The following CD109 variants were observed in gnomAD, a reference collection of about 807,000 sequenced individuals.
CD109 encodes the protein CD109 molecule, also known as CD109 antigen.
CD109 carries 149 observed loss-of-function variants against 165.8 expected under a neutral mutation model. The observed-to-expected ratio is 0.90, with a 90% CI of 0.79 to 1.03. The LOEUF is 1.03. CD109 is among the 50% of genes least tolerant of loss of function. The pLI, the probability that CD109 is intolerant of heterozygous loss-of-function variation, is 0.00. For synonymous variants in CD109, 585 were observed against 592.1 expected (o/e 0.99, Z 0.18); for missense variants, 1,712 against 1,677.8 (o/e 1.02, Z -0.36).
At chr6:73,741,909 G>A (rs913964993) in intron 5 of CD109, among the ~76,000 whole-genome samples, 6 of 152,164 alleles carry the variant, frequency 3.9e-5, no homozygotes, top group African/African-American at 9.7e-5. Context: ...GACCTCAGGT[G>A]ATTCACTTGC....
chr6:73,771,688 A>C, intron 15 of CD109, 107 bp downstream of exon 15: 1 of 668,810 alleles, frequency 1.5e-6, no homozygotes, highest in Non-Finnish European at 2.3e-6. Flanking sequence ...GTTCCTTTGC[A>C]TGTGTAAGTC....
At chr6:73,756,731 C>T (rs1295817720) in intron 6 of CD109, 49 bp downstream of exon 6, 1 of 1,303,350 alleles carries the variant, frequency 7.7e-7, no homozygotes, top group African/African-American at 1.5e-5. Flanking sequence ...TTGTTACTTT[C>T]AGCAGAGATT....
intron 2 of CD109, among the ~76,000 whole-genome samples, chr6:73,712,059 A>G (rs1449724257): frequency 6.6e-6 from 1 of 152,182 alleles, no homozygotes; most frequent in Non-Finnish European, 1.5e-5. Flanking sequence ...TTTATACAAA[A>G]ATTAGCCGGG....
chr6:73,698,900 C>T (rs1336390242), intron 2 of CD109, among the ~76,000 whole-genome samples: 1 of 152,122 alleles, frequency 6.6e-6, no homozygotes, highest in Non-Finnish European at 1.5e-5. Flanking sequence ...GTTTCCTTGT[C>T]TATAAAATGG....
chr6:73,714,485 C>G (rs187394320), intron 2 of CD109, among the ~76,000 whole-genome samples: 3 of 152,204 alleles, frequency 2.0e-5, no homozygotes, highest in Non-Finnish European at 4.4e-5. Flanking sequence ...TGCAGTTTCC[C>G]CCTTTCCCTT....
chr6:73,683,365 A>G, the CD109 span, among the ~76,000 whole-genome samples: 4 of 152,144 alleles, frequency 2.6e-5, no homozygotes, highest in African/African-American at 9.7e-5. Context: ...GCCAAAACAT[A>G]ACGAGAATCA....
Position 73,714,825 on chromosome 6 carries a change from G to C in CD109, c.248-8426G>C, listed in dbSNP as rs183170587. On this transcript the variant is annotated intron_variant, in intron 2 of 32. Transcript: ENST00000287097. ...GGTTTTGGTGAGTGATAAACTTAGAGTTGAGGAGAGAAAAGAGTTCAAGAT... is the reference window on the plus strand; with the variant it reads ...GGTTTTGGTGAGTGATAAACTTAGACTTGAGGAGAGAAAAGAGTTCAAGAT... Among the ~76,000 whole-genome samples the C allele has an allele frequency of 3.0e-4, 45 of 152,358 alleles. No homozygotes were observed. The East Asian group carries it at 6.7e-3, about 23-fold the overall frequency.
chr6:73,785,278 A>C, intron 19 of CD109, 86 bp from the exon 20 acceptor site: 1 of 722,172 alleles, frequency 1.4e-6, no homozygotes, highest in Non-Finnish European at 2.4e-6. Context: ...AAAGCTTCAC[A>C]GGTTTTATAA....
At chr6:73,706,448 C>T (rs1771269008) in intron 2 of CD109, among the ~76,000 whole-genome samples, 1 of 152,142 alleles carries the variant, frequency 6.6e-6, no homozygotes. Flanking sequence ...CTCGAGAGGA[C>T]TGGGTGGAGT....
intron 25 of CD109, 42 bp downstream of exon 25, chr6:73,807,114 A>G: frequency 6.7e-7 from 1 of 1,497,642 alleles, no homozygotes; most frequent in Non-Finnish European, 9.3e-7. Context: ...TGGGAAATTC[A>G]AGGAAGGTAG....
intron 27 of CD109, 139 bp downstream of exon 27, chr6:73,810,313 G>C: frequency 3.8e-6 from 1 of 265,280 alleles, no homozygotes; most frequent in Admixed American, 5.9e-5. Context: ...AAAGTATGTG[G>C]TTGCATTTTT....
chr6:73,697,703 C>T (rs1770905381), intron 2 of CD109, 131 bp downstream of exon 2: 5 of 668,520 alleles, frequency 7.5e-6, no homozygotes, highest in African/African-American at 1.8e-5. Context: ...TTTTAATTCT[C>T]ACTCATGTAA....
At chr6:73,742,124 C>T (rs1214441933) in intron 5 of CD109, among the ~76,000 whole-genome samples, 2 of 151,434 alleles carry the variant, frequency 1.3e-5, no homozygotes, top group African/African-American at 4.9e-5. Flanking sequence ...CTCTGTAACT[C>T]TTTTCATCTT....
chr6:73,785,846 G>GT (rs10583850), intron 20 of CD109, among the ~76,000 whole-genome samples: 335 of 133,920 alleles, frequency 2.5e-3, no homozygotes, highest in South Asian at 7.5e-3. Context: ...CTGCAGTTTT[G>GT]TTTTTTTTTT....
At chr6:73,748,649 T>C (rs967162072) in intron 5 of CD109, among the ~76,000 whole-genome samples, 2 of 152,214 alleles carry the variant, frequency 1.3e-5, no homozygotes, top group African/African-American at 4.8e-5. Context: ...TCAGCCCTGG[T>C]AATTCTGATT....
At chr6:73,764,690 C>T (rs750879930) in intron 10 of CD109, among the ~76,000 whole-genome samples, 1 of 152,090 alleles carries the variant, frequency 6.6e-6, no homozygotes, top group Non-Finnish European at 1.5e-5. Context: ...GTGGCACATG[C>T]CTGTAATTCC....
Position 73,825,332 on chromosome 6 carries a change from A to C in CD109, c.*1699A>C, listed in dbSNP as rs1776237405. 6.6e-6 allele frequency: 1 copy of C among 152,126 alleles called. No homozygotes were observed. Among genetic ancestry groups the C allele is most frequent in the South Asian group, 2.1e-4 (1 of 4,826 alleles). 9.4% of individuals were successfully genotyped at this position (152,126 alleles called of 1,614,324 possible). On this transcript the variant is annotated 3_prime_UTR_variant, in exon 33 of 33. Coordinates refer to ENST00000287097, the MANE Select transcript of CD109 (RefSeq NM_133493.5). ...CTAGATCTCTTACACCTCTGACACA[A>C]TCTGTTCTAAAACAGGCACTTGTAA...
intron 28 of CD109, 103 bp from the exon 29 acceptor site, chr6:73,812,102 T>C (rs1775776433): frequency 2.9e-6 from 2 of 683,794 alleles, no homozygotes; most frequent in Non-Finnish European, 5.1e-6. Context: ...CTGTCAGTGA[T>C]TGCTTCTTTT....
At chr6:73,737,203 A>G (rs528365766) in intron 5 of CD109, among the ~76,000 whole-genome samples, 13 of 152,382 alleles carry the variant, frequency 8.5e-5, no homozygotes, top group Admixed American at 6.5e-5. Context: ...TGTGACATAT[A>G]AACATATAAG....
Sources: gnomAD v4.1 joint callset for allele counts (sites outside exome capture counted in the v4.1 genomes callset) on GRCh38, gnomAD v4.1.1 for gene constraint, MANE v1.5 for transcripts, NCBI Gene and HGNC (gene_info 2026-07-23, HGNC 2026-07-21) for gene names.